The following FAT1 variants were observed in gnomAD, a reference collection of about 807,000 sequenced individuals.
FAT1 encodes protocadherin Fat 1.
In FAT1, 171 loss-of-function variants were observed where a neutral mutation model predicts 329.8. That is an observed-to-expected ratio of 0.52 (90% confidence interval 0.46 to 0.59). FAT1 has a LOEUF of 0.59. Ranked by LOEUF, FAT1 falls within the 20% of genes least tolerant of loss-of-function variation. The pLI is 0.00. For missense variants in FAT1, 5,672 were observed against 5,774.4 expected (o/e 0.98, Z 0.57); for synonymous variants, 2,233 against 2,228.6 (o/e 1.00, Z -0.06).
chr4:186,704,374 A>G (rs1167904605), intron 2 of FAT1, among the ~76,000 whole-genome samples: 1 of 152,074 alleles, frequency 6.6e-6, no homozygotes, highest in African/African-American at 2.4e-5. Flanking sequence ...GGTAGTAAAA[A>G]TATCCCAATC....
Position 186,609,985 on chromosome 4 carries a change from T to A in FAT1, c.9884A>T (p.Tyr3295Phe). ...TAGGTAATACTCATGAGAGCTCTCA[T>A]AATCCAGATTCTCAATGATAAATAC... ...GAVFIIENLD[Y>F]ESSHEYYLTV... Residue 3295 changes from tyrosine to phenylalanine, a missense_variant, in exon 15 of 27, where the codon TAT becomes TTT. Transcript: ENST00000441802. The A allele has an allele frequency of 3.1e-6, 5 of 1,612,700 alleles. No individual in the cohort carries two copies. The South Asian group carries it at 5.5e-5, about 18-fold the overall frequency.
chr4:186,702,383 G>A (rs1744372722), intron 2 of FAT1, among the ~76,000 whole-genome samples: 1 of 152,106 alleles, frequency 6.6e-6, no homozygotes, highest in African/African-American at 2.4e-5. Context: ...AAAAACACGG[G>A]CTCCCCAAAT....
At position 186,616,947 on chromosome 4, in the gene FAT1, T is replaced by G. The variant is rs1214904697; in HGVS notation, c.9075+58A>C. The G allele has an allele frequency of 2.7e-6, 4 of 1,473,658 alleles. No individual in the cohort carries two copies. In the East Asian group the frequency reaches 9.1e-5, roughly 33 times the overall value. The allele number at this position is 1,473,658 out of a possible 1,614,324, so 91.3% of individuals were successfully genotyped here. On this transcript the variant is annotated intron_variant, in intron 11 of 26. Transcript: ENST00000441802. ...CCACAGCGCCAAATGATGGTCCCAT[T>G]GAAAGAATTAAGAAATTGAAATTCA...
rs2126353881 is a variant in FAT1 at position 186,588,991 on chromosome 4, G to A, written c.13368C>T (p.Ser4456=). 3 of 1,614,020 alleles carry A rather than the reference G, an allele frequency of 1.9e-6. No individual in the cohort carries two copies. The highest frequency in any genetic ancestry group is 2.5e-6 in the Non-Finnish European group (3 of 1,179,890). ...DELPPLPPEF[S]NQFESIHPPR... The stretch of plus-strand genomic sequence containing the variant: ...GAGGGTGGATGGATTCAAACTGATT[G>A]CTGAATTCGGGCGGTAACGGTGGTA... Residue 4456 remains serine (S), a synonymous_variant, in exon 27 of 27, where the codon AGC becomes AGT. Transcript: ENST00000441802.
At chr4:186,656,267 G>A (rs1169446325) in intron 3 of FAT1, among the ~76,000 whole-genome samples, 1 of 152,198 alleles carries the variant, frequency 6.6e-6, no homozygotes, top group African/African-American at 2.4e-5. Context: ...TGGTCAGCTT[G>A]CATATGAAAA....
At position 186,621,617 on chromosome 4, in the gene FAT1, C is replaced by T. The variant is rs1302498452; in HGVS notation, c.4969G>A (p.Val1657Ile). The T allele has an allele frequency of 6.2e-7, 1 of 1,614,030 alleles. No homozygotes were observed. The highest frequency in any genetic ancestry group is 1.6e-4 in the Middle Eastern group (1 of 6,062). ...GGAGAGGCGTTGTCAGCAATTGTGA[C>T]AAAGATACGCACAGAAGTTATTTCA... ...MSEITSVRIF[V>I]TIADNASPKF... The change falls in exon 10 of 27, where the codon GTC (valine) becomes ATC (isoleucine). Residue 1657 changes from valine (V) to isoleucine (I), a missense_variant. Around this residue, in one of 2 missense-constraint regions of FAT1, gnomAD observed 3,966 missense variants for 3,915.2 expected, o/e 1.01. Coordinates refer to ENST00000441802, the MANE Select transcript of FAT1 (RefSeq NM_005245.4).
intron 3 of FAT1, among the ~76,000 whole-genome samples, chr4:186,659,641 C>A (rs1010856311): frequency 2.0e-5 from 3 of 149,624 alleles, no homozygotes; most frequent in Non-Finnish European, 4.4e-5. Context: ...CTGAACAACC[C>A]TGGGCGCTCC....
chr4:186,613,266 T>C lies in FAT1; in HGVS notation c.9306A>G (p.Gly3102=). 1 of 1,613,970 alleles carries C rather than the reference T, an allele frequency of 6.2e-7. No homozygotes were observed. The highest frequency in any genetic ancestry group is 8.5e-7 in the Non-Finnish European group (1 of 1,179,858). ...TACTGGCTTGGCAGAATCTTCCTCC[T>C]CCATCTGTGGCCCTGACGAGAAGAT... ...VYHLLVRATD[G]GGRFCQASIV... The change falls in exon 13 of 27, where the codon GGA becomes GGG. Residue 3102 remains glycine, a synonymous_variant. Transcript: ENST00000441802.
intron 1 of FAT1, among the ~76,000 whole-genome samples, chr4:186,713,060 T>C (rs912299025): frequency 6.6e-6 from 1 of 151,768 alleles, no homozygotes; most frequent in African/African-American, 2.4e-5. Flanking sequence ...TCCCCTACTG[T>C]TAACATCTCA....
intron 16 of FAT1, among the ~76,000 whole-genome samples, chr4:186,606,767 G>A (rs1227131674): frequency 6.6e-6 from 1 of 152,150 alleles, no homozygotes. Context: ...TCCCACAAAA[G>A]AAAGAAAGTC....
Position 186,618,117 on chromosome 4 carries a change from T to G in FAT1, c.8469A>C (p.Pro2823=). 1 of 1,614,010 alleles carries G rather than the reference T, an allele frequency of 6.2e-7. No individual in the cohort carries two copies. The change falls in exon 10 of 27, where the codon CCA becomes CCC. Residue 2823 remains proline, a synonymous_variant. Coordinates refer to ENST00000441802, the MANE Select transcript of FAT1 (RefSeq NM_005245.4). ...PYEAFIVENL[P]GGSRVIQIRA... ...TGATCTGAATTACTCTACTTCCCCC[T>G]GGCAGGTTTTCAACAATGAATGCCT...
At position 186,708,993 on chromosome 4, in the gene FAT1, C is replaced by T. The variant is rs1561011203; in HGVS notation, c.835G>A (p.Asp279Asn). 1 of 1,614,028 alleles carries T rather than the reference C, an allele frequency of 6.2e-7. No homozygotes were observed. The highest frequency in any genetic ancestry group is 1.7e-5 in the Admixed American group (1 of 60,024). ...CCATTGGCACCCTGATCGCAGTCAT[C>T]CACTGTCACAATTGCATATGCTGGG... ...RDPAYAIVTV[D>N]DCDQGANGDI... Residue 279 changes from aspartate to asparagine, a missense_variant, in exon 2 of 27, where the codon GAT becomes AAT. Coordinates refer to ENST00000441802, the MANE Select transcript of FAT1 (RefSeq NM_005245.4).
chr4:186,705,959 G>C (rs928145676), intron 2 of FAT1, among the ~76,000 whole-genome samples: 1 of 152,142 alleles, frequency 6.6e-6, no homozygotes, highest in Non-Finnish European at 1.5e-5. Flanking sequence ...GCTTGTCCAG[G>C]ATCACCAATT....
intron 2 of FAT1, among the ~76,000 whole-genome samples, chr4:186,675,678 G>C (rs1352106859): frequency 6.6e-6 from 1 of 151,704 alleles, no homozygotes; most frequent in Non-Finnish European, 1.5e-5. Context: ...GATCACAGAG[G>C]CTGCAGTGAA....
intron 3 of FAT1, among the ~76,000 whole-genome samples, chr4:186,651,991 A>G (rs575747275): frequency 1.3e-5 from 2 of 152,360 alleles, no homozygotes; most frequent in South Asian, 2.1e-4. Flanking sequence ...GAGGCTGGAA[A>G]GCAGCTCAGA....
At position 186,706,599 on chromosome 4, in the gene FAT1, A is replaced by G. The variant is rs1002749106; in HGVS notation, c.3229T>C (p.Ser1077Pro). ...CCTATTTTGAAAACACCAACGCCAG[A>G]GCCATCTCTAATGGAGTATCGGATC... Reference protein sequence around the residue: ...GEIRYSIRDGSGVGVFKIGEE... With the variant: ...GEIRYSIRDGPGVGVFKIGEE... Residue 1077 changes from serine (S) to proline (P), a missense_variant, in exon 2 of 27, where the codon TCT becomes CCT. Ser to Pro is a moderately conservative substitution (Grantham distance 74, BLOSUM62 -1). This residue lies in a region of FAT1 where 3,966 missense variants were observed against 3,915.2 expected (regional missense o/e 1.01). Coordinates refer to ENST00000441802, the MANE Select transcript of FAT1 (RefSeq NM_005245.4). 6.2e-7 allele frequency: 1 copy of G among 1,612,792 alleles called. No homozygotes were observed. Among genetic ancestry groups the G allele is most frequent in the African/African-American group, 1.3e-5 (1 of 74,892 alleles).
chr4:186,707,042 G>T lies in FAT1; in HGVS notation c.2786C>A (p.Pro929Gln), dbSNP rs937707929. The change falls in exon 2 of 27, where the codon CCA becomes CAA. Residue 929 changes from proline to glutamine, a missense_variant. By Grantham distance (76) the Pro-to-Gln change is moderately conservative (BLOSUM62 -1). This residue lies in a region of FAT1 where 3,966 missense variants were observed against 3,915.2 expected (regional missense o/e 1.01). Transcript: ENST00000441802. ...DVNDNPPTFI[P>Q]PNYRVKVRED... ...TCGGACTTTCACACGATAATTAGGT[G>T]GAATAAATGTAGGTGGGTTGTCATT... The T allele has an allele frequency of 1.3e-5, 21 of 1,613,812 alleles. No homozygotes were observed. The African/African-American group carries it at 2.7e-4, about 21-fold the overall frequency.
intron 12 of FAT1, 97 bp downstream of exon 12, chr4:186,614,093 CA>C: frequency 9.1e-7 from 1 of 1,103,812 alleles, no homozygotes. Context: ...TTGAAAAGGG[CA>C]AAATGTAATT....
At chr4:186,664,100 C>T (rs932727345) in intron 2 of FAT1, among the ~76,000 whole-genome samples, 5 of 152,078 alleles carry the variant, frequency 3.3e-5, no homozygotes, top group African/African-American at 9.7e-5. Flanking sequence ...CCAGCACCCC[C>T]GCTCCCCACA....
Sources: gnomAD v4.1 joint callset for allele counts (sites outside exome capture counted in the v4.1 genomes callset) on GRCh38, gnomAD v4.1.1 for gene constraint, gnomAD v4.1.1 regional missense constraint, MANE v1.5 for transcripts, NCBI Gene and HGNC (gene_info 2026-07-23, HGNC 2026-07-21) for gene names.